Variants in HEXIM1 observed in about 807,000 individuals in gnomAD.
The protein encoded by HEXIM1 is HEXIM P-TEFb complex subunit 1.
HEXIM1 carries 1 observed loss-of-function variant against 30.3 expected under a neutral mutation model. The ratio of observed to expected loss-of-function variants is 0.03; its 90% CI spans 0.01 to 0.16. The LOEUF is 0.16. HEXIM1 is among the 10% of genes least tolerant of loss of function. The pLI is 1.00. For missense variants in HEXIM1, 391 were observed against 476.4 expected, an observed-to-expected ratio of 0.82 and a Z score of 1.67; for synonymous variants, 245 against 208.3, an observed-to-expected ratio of 1.18 and a Z score of -1.52.
chr17:45,149,488 G>C lies in HEXIM1; in HGVS notation c.298G>C (p.Gly100Arg). Residue 100 changes from glycine to arginine, a missense_variant, in exon 1 of 1, where the codon GGC becomes CGC. Transcript: ENST00000332499. This position sits in a 1 kb window ranked among gnomAD's most constrained non-coding sequence, Gnocchi z 5.3. ...KGQNGDDSSA[G>R]GDFPPPAEVE... ...CCAGAATGGGGACGACTCGTCCGCTGGCGGCGACTTCCCGCCGCCGGCAGA... is the reference window on the plus strand; with the variant it reads ...CCAGAATGGGGACGACTCGTCCGCTCGCGGCGACTTCCCGCCGCCGGCAGA... The C allele has an allele frequency of 1.2e-6, 2 of 1,610,660 alleles. No individual in the cohort carries two copies. The highest frequency in any genetic ancestry group is 1.7e-6 in the Non-Finnish European group (2 of 1,179,020).
Position 45,149,161 on chromosome 17 carries a change from AT to A in HEXIM1, c.-27del. 6.5e-7 allele frequency: 1 copy of A among 1,538,914 alleles called. No homozygotes were observed. Among genetic ancestry groups the A allele is most frequent in the East Asian group, 2.3e-5 (1 of 43,860 alleles). ...TTTCCTTAAGGACTTACTAGCCAAA[AT>A]TTCTTAAACTTCGAGGACTCTACTA... On this transcript the variant is annotated 5_prime_UTR_variant, in exon 1 of 1. Coordinates refer to ENST00000332499, the MANE Select transcript of HEXIM1 (RefSeq NM_006460.3). The surrounding 1 kb of genome is among the most constrained non-coding windows in gnomAD (Gnocchi z 5.3).
Position 45,151,327 on chromosome 17 carries a change from C to CT in HEXIM1, c.*1060dup, listed in dbSNP as rs967318130. On this transcript the variant is annotated 3_prime_UTR_variant, in exon 1 of 1. Coordinates refer to ENST00000332499, the MANE Select transcript of HEXIM1 (RefSeq NM_006460.3). ...AAAACAAAAAAAAAAAGCTATCCAC[C>CT]TTTCCATGTGGGTCAAACTAAAATT... 1.0e-4 allele frequency: 17 copies of CT among 167,096 alleles called. No individual in the cohort carries two copies. The highest frequency in any genetic ancestry group is 4.1e-4 in the African/African-American group (17 of 41,550). 10.4% of individuals were successfully genotyped at this position (167,096 alleles called of 1,614,324 possible).
At position 45,149,629 on chromosome 17, in the gene HEXIM1, C is replaced by G; in HGVS notation, c.439C>G (p.Gln147Glu). Residue 147 changes from glutamine to glutamate, a missense_variant, in exon 1 of 1, where the codon CAG becomes GAG. Physicochemically the swap from Gln to Glu is conservative, Grantham distance 29. This residue lies in a region of HEXIM1 where 230 missense variants were observed against 199.4 expected (regional missense o/e 1.15). Coordinates refer to ENST00000332499, the MANE Select transcript of HEXIM1 (RefSeq NM_006460.3). The surrounding 1 kb of genome is among the most constrained non-coding windows in gnomAD (Gnocchi z 5.3). ...AGAGGAGTGGGGACAGCAGCAGAGA[C>G]AGCTGGGGAAGAAAAAACATAGGAG... is the stretch of plus-strand genomic sequence containing the variant. ...GEEEWGQQQRQLGKKKHRRRP... is the reference protein window; with the variant it reads ...GEEEWGQQQRELGKKKHRRRP... 1 of 1,613,080 alleles carries G rather than the reference C, an allele frequency of 6.2e-7. No individual in the cohort carries two copies.
chr17:45,148,918 C>T lies in HEXIM1; in HGVS notation c.-273C>T, dbSNP rs1009614688. On this transcript the variant is annotated 5_prime_UTR_variant, in exon 1 of 1. Transcript: ENST00000332499. ...TTGGAGGTTTGAGGCCCACCTCCGC[C>T]CATTACGTACTGTTCCTGCCGCTGC... The T allele has an allele frequency of 4.4e-6, 2 of 456,722 alleles. No homozygotes were observed. Among genetic ancestry groups the T allele is most frequent in the African/African-American group, 4.0e-5 (2 of 49,568 alleles). 28.3% of individuals were successfully genotyped at this position (456,722 alleles called of 1,614,324 possible).
In HEXIM1 at chr17:45,151,158, T is replaced by TAGA. The variant is rs779043764; in HGVS notation, c.*890_*891insAAG. 3 of 167,070 alleles carry TAGA rather than the reference T, an allele frequency of 1.8e-5. No individual in the cohort carries two copies. 10.3% of individuals were successfully genotyped at this position (167,070 alleles called of 1,614,324 possible). A position where few individuals can be genotyped will look rare whatever the true frequency, so the allele number is the denominator to read the frequency against. On this transcript the variant is annotated 3_prime_UTR_variant, in exon 1 of 1. Transcript: ENST00000332499. The stretch of plus-strand genomic sequence containing the variant: ...TGGAAGAGGCTCTTGGCAAACTTCT[T>TAGA]AGTGCAAGCAATGGTTAGATTAATT...
At position 45,148,739 on chromosome 17, in the gene HEXIM1, C is replaced by T. The variant is rs2055522835; in HGVS notation, c.-452C>T. 2.5e-6 allele frequency: 1 copy of T among 402,526 alleles called. No homozygotes were observed. The highest frequency in any genetic ancestry group is 4.4e-6 in the Non-Finnish European group (1 of 228,096). The allele number at this position is 402,526 out of a possible 1,614,324, so 24.9% of individuals were successfully genotyped here. On this transcript the variant is annotated 5_prime_UTR_variant, in exon 1 of 1. Coordinates refer to ENST00000332499, the MANE Select transcript of HEXIM1 (RefSeq NM_006460.3). ...GGAGGTGGCGCCGGGACTTTAACCC[C>T]TTGTGGGCTCTGCGGCAGGGGATTT...
rs2055524161 is a variant in HEXIM1 at position 45,148,936 on chromosome 17, G to T, written c.-255G>T. 2 of 495,326 alleles carry T rather than the reference G, an allele frequency of 4.0e-6. No homozygotes were observed. The highest frequency in any genetic ancestry group is 5.3e-4 in the Middle Eastern group (1 of 1,888). 30.7% of individuals were successfully genotyped at this position (495,326 alleles called of 1,614,324 possible). A position where few individuals can be genotyped will look rare whatever the true frequency, so the allele number is the denominator to read the frequency against. ...CCTCCGCCCATTACGTACTGTTCCT[G>T]CCGCTGCACCCCCTTGGACCCGCTA... On this transcript the variant is annotated 5_prime_UTR_variant, in exon 1 of 1. Transcript: ENST00000332499.
rs1464711257 is a variant in HEXIM1, at chr17:45,151,776, G to A, written c.*1506G>A. 3 of 167,094 alleles carry A rather than the reference G, an allele frequency of 1.8e-5. No homozygotes were observed. The highest frequency in any genetic ancestry group is 7.2e-5 in the African/African-American group (3 of 41,462). 10.4% of individuals were successfully genotyped at this position (167,094 alleles called of 1,614,324 possible). A position where few individuals can be genotyped will look rare whatever the true frequency, so the allele number is the denominator to read the frequency against. ...ACATTTTTCTGGGGAGAAGGTTCAA[G>A]AGATTCATAAGATTGTCAAACTCCT... On this transcript the variant is annotated 3_prime_UTR_variant, in exon 1 of 1. Transcript: ENST00000332499.
At position 45,152,081 on chromosome 17, in the gene HEXIM1, T is replaced by C. The variant is rs1386679175; in HGVS notation, c.*1811T>C. 1 of 167,052 alleles carries C rather than the reference T, an allele frequency of 6.0e-6. No homozygotes were observed. Among genetic ancestry groups the C allele is most frequent in the African/African-American group, 2.4e-5 (1 of 41,462 alleles). 10.3% of individuals were successfully genotyped at this position (167,052 alleles called of 1,614,324 possible). ...GTTTTTCTTTGGTCTAAAAATTATATTAAACATTTATTTTGAAATAGTTTT... is the reference window on the plus strand; with the variant it reads ...GTTTTTCTTTGGTCTAAAAATTATACTAAACATTTATTTTGAAATAGTTTT... On this transcript the variant is annotated 3_prime_UTR_variant, in exon 1 of 1. Transcript: ENST00000332499.
In HEXIM1 at chr17:45,149,142, TAAGGACTTACTAGCCA is replaced by T. The variant is rs774202797; in HGVS notation, c.-46_-31del. 3.3e-5 allele frequency: 51 copies of T among 1,526,034 alleles called. No individual in the cohort carries two copies. Among genetic ancestry groups the T allele is most frequent in the Non-Finnish European group, 4.3e-5 (49 of 1,140,494 alleles). 94.5% of individuals were successfully genotyped at this position (1,526,034 alleles called of 1,614,324 possible). ...TTTAAGAAAAACCCATTTTTTTCCT[TAAGGACTTACTAGCCA>T]AAATTTCTTAAACTTCGAGGACTCT... On this transcript the variant is annotated 5_prime_UTR_variant, in exon 1 of 1. Coordinates refer to ENST00000332499, the MANE Select transcript of HEXIM1 (RefSeq NM_006460.3). The surrounding 1 kb of genome is among the most constrained non-coding windows in gnomAD (Gnocchi z 5.3).
At position 45,149,787 on chromosome 17, in the gene HEXIM1, G is replaced by A. The variant is rs755603917; in HGVS notation, c.597G>A (p.Pro199=). ...IRAEMFAKGQ[P]VAPYNTTQFL... is the part of the protein sequence containing the mutation. ...CCGAGATGTTCGCCAAGGGCCAGCC[G>A]GTCGCGCCCTATAACACCACGCAGT... Residue 199 remains proline, a synonymous_variant, in exon 1 of 1, where the codon CCG becomes CCA. Transcript: ENST00000332499. This position sits in a 1 kb window ranked among gnomAD's most constrained non-coding sequence, Gnocchi z 5.3. The A allele has an allele frequency of 1.9e-6, 3 of 1,613,738 alleles. No individual in the cohort carries two copies. Among genetic ancestry groups the A allele is most frequent in the African/African-American group, 2.7e-5 (2 of 74,874 alleles).
chr17:45,151,309 A>C lies in HEXIM1; in HGVS notation c.*1039A>C, dbSNP rs147128808. ...CTACGTGCTCTCTATACCAAAACAA[A>C]AAAAAAAAGCTATCCACCTTTCCAT... On this transcript the variant is annotated 3_prime_UTR_variant, in exon 1 of 1. Coordinates refer to ENST00000332499, the MANE Select transcript of HEXIM1 (RefSeq NM_006460.3). 36 of 167,032 alleles carry C rather than the reference A, an allele frequency of 2.2e-4. No individual in the cohort carries two copies. The highest frequency in any genetic ancestry group is 7.2e-4 in the African/African-American group (30 of 41,528). The allele number at this position is 167,032 out of a possible 1,614,324, so 10.3% of individuals were successfully genotyped here. A position where few individuals can be genotyped will look rare whatever the true frequency, so the allele number is the denominator to read the frequency against.
Position 45,150,939 on chromosome 17 carries a change from G to A in HEXIM1, c.*669G>A, listed in dbSNP as rs1343692075. The A allele has an allele frequency of 1.8e-5, 3 of 166,886 alleles. No homozygotes were observed. The highest frequency in any genetic ancestry group is 7.3e-5 in the African/African-American group (3 of 41,364). 10.3% of individuals were successfully genotyped at this position (166,886 alleles called of 1,614,324 possible). A position where few individuals can be genotyped will look rare whatever the true frequency, so the allele number is the denominator to read the frequency against. The stretch of plus-strand genomic sequence containing the variant: ...TTGATGCTGGAAAAATAAACAAACC[G>A]GTATTGAGTGTTTAGGCGAGTGGAA... On this transcript the variant is annotated 3_prime_UTR_variant, in exon 1 of 1. Coordinates refer to ENST00000332499, the MANE Select transcript of HEXIM1 (RefSeq NM_006460.3).
Position 45,149,501 on chromosome 17 carries a change from C to A in HEXIM1, c.311C>A (p.Pro104Gln). Residue 104 changes from proline to glutamine, a missense_variant, in exon 1 of 1, where the codon CCG becomes CAG. Pro to Gln is a moderately conservative substitution (Grantham distance 76). Transcript: ENST00000332499. This position sits in a 1 kb window ranked among gnomAD's most constrained non-coding sequence, Gnocchi z 5.3. ...GDDSSAGGDF[P>Q]PPAEVEPTPE... ...GACTCGTCCGCTGGCGGCGACTTCCCGCCGCCGGCAGAAGTGGAACCGACG... is the reference window on the plus strand; with the variant it reads ...GACTCGTCCGCTGGCGGCGACTTCCAGCCGCCGGCAGAAGTGGAACCGACG... The A allele has an allele frequency of 6.2e-7, 1 of 1,609,292 alleles. No individual in the cohort carries two copies. The highest frequency in any genetic ancestry group is 8.5e-7 in the Non-Finnish European group (1 of 1,178,478).
Position 45,148,759 on chromosome 17 carries a change from G to A in HEXIM1, c.-432G>A, listed in dbSNP as rs973306809. On this transcript the variant is annotated 5_prime_UTR_variant, in exon 1 of 1. Transcript: ENST00000332499. ...AACCCCTTGTGGGCTCTGCGGCAGG[G>A]GATTTAACCCTTTGTGGATCTGGCC... 1.1e-4 allele frequency: 46 copies of A among 402,284 alleles called. No homozygotes were observed. Among genetic ancestry groups the A allele is most frequent in the African/African-American group, 9.0e-4 (44 of 48,752 alleles). 24.9% of individuals were successfully genotyped at this position (402,284 alleles called of 1,614,324 possible). A position where few individuals can be genotyped will look rare whatever the true frequency, so the allele number is the denominator to read the frequency against.
Position 45,150,404 on chromosome 17 carries a change from T to TTGGG in HEXIM1, c.*135_*136insGGGT. The TTGGG allele has an allele frequency of 8.9e-7, 1 of 1,125,974 alleles. No individual in the cohort carries two copies. The highest frequency in any genetic ancestry group is 1.6e-5 in the South Asian group (1 of 61,346). 69.7% of individuals were successfully genotyped at this position (1,125,974 alleles called of 1,614,324 possible). ...AGAAGAGAAATCCCCCTGGCTTTGG[T>TTGGG]TTCGTAAATTTAGCTATATGTAGCT... On this transcript the variant is annotated 3_prime_UTR_variant, in exon 1 of 1. Coordinates refer to ENST00000332499, the MANE Select transcript of HEXIM1 (RefSeq NM_006460.3).
In HEXIM1 at chr17:45,150,309, T is replaced by C. The variant is rs974308010; in HGVS notation, c.*39T>C. The C allele has an allele frequency of 6.3e-6, 10 of 1,592,074 alleles. No individual in the cohort carries two copies. In the African/African-American group the frequency reaches 8.1e-5, roughly 13 times the overall value. ...TGGGGGAGGGGGCAAAGGGGACTTT[T>C]TACAGTGATGGAATGTAACATTATA... is the stretch of plus-strand genomic sequence containing the variant. On this transcript the variant is annotated 3_prime_UTR_variant, in exon 1 of 1. Coordinates refer to ENST00000332499, the MANE Select transcript of HEXIM1 (RefSeq NM_006460.3).
chr17:45,150,142 G>A lies in HEXIM1; in HGVS notation c.952G>A (p.Asp318Asn), dbSNP rs780098711. ...LRLESKRLGGDDARVRELELE... is the reference protein window; with the variant it reads ...LRLESKRLGGNDARVRELELE... ...GCTGGAGAGCAAGCGGCTGGGTGGC[G>A]ACGACGCGCGTGTGCGGGAGCTGGA... The change falls in exon 1 of 1, where the codon GAC (aspartate) becomes AAC (asparagine). Residue 318 changes from aspartate (D) to asparagine (N), a missense_variant. Asp to Asn is a conservative substitution (Grantham distance 23, BLOSUM62 1). This residue lies in a region of HEXIM1 where 73 missense variants were observed against 80.9 expected (regional missense o/e 0.90). Transcript: ENST00000332499. The A allele has an allele frequency of 2.5e-6, 4 of 1,613,556 alleles. No individual in the cohort carries two copies. Among genetic ancestry groups the A allele is most frequent in the Admixed American group, 1.7e-5 (1 of 60,028 alleles).
In HEXIM1 at chr17:45,149,649, T is replaced by A; in HGVS notation, c.459T>A (p.His153Gln). The change falls in exon 1 of 1, where the codon CAT (histidine) becomes CAA (glutamine). Residue 153 changes from histidine (H) to glutamine (Q), a missense_variant. By Grantham distance (24) the His-to-Gln change is conservative. This residue lies in a region of HEXIM1 where 230 missense variants were observed against 199.4 expected (regional missense o/e 1.15). Transcript: ENST00000332499. This position sits in a 1 kb window ranked among gnomAD's most constrained non-coding sequence, Gnocchi z 5.3. ...AGAGACAGCTGGGGAAGAAAAAACA[T>A]AGGAGACGCCCGTCCAAGAAGAAGC... ...QQQRQLGKKK[H>Q]RRRPSKKKRH... 1 of 1,612,286 alleles carries A rather than the reference T, an allele frequency of 6.2e-7. No individual in the cohort carries two copies. Among genetic ancestry groups the A allele is most frequent in the Non-Finnish European group, 8.5e-7 (1 of 1,179,896 alleles).
Sources: gnomAD v4.1 joint callset for allele counts on GRCh38, gnomAD v4.1.1 for gene constraint, gnomAD v4.1.1 regional missense constraint, Gnocchi (gnomAD v3.1) non-coding constraint, MANE v1.5 for transcripts, NCBI Gene and HGNC (gene_info 2026-07-23, HGNC 2026-07-21) for gene names.